SRRM2: variants seen among roughly 807,000 people sequenced by gnomAD.
The protein encoded by SRRM2 is serine/arginine repetitive matrix 2, also known as serine/arginine repetitive matrix protein 2.
In SRRM2, 30 loss-of-function variants were observed where a neutral mutation model predicts 213.8. The observed-to-expected ratio is 0.14, with a 90% CI of 0.10 to 0.19. The LOEUF (loss-of-function observed/expected upper bound fraction) is 0.19. Among genes scored for constraint, SRRM2 ranks in the 10% least tolerant of loss-of-function variants. The probability of loss-of-function intolerance (pLI) is 1.00; values close to 1 mark genes in which losing one functional copy is unlikely to be tolerated. For missense variants in SRRM2, 4,904 were observed against 3,647.0 expected (o/e 1.34, Z -8.88); for synonymous variants, 2,025 against 1,377.7 (o/e 1.47, Z -10.40).
intron 12 of SRRM2, chr16:2,770,141 TC>T: frequency 1.4e-6 from 2 of 1,430,016 alleles, no homozygotes; most frequent in South Asian, 3.0e-5. Context: ...ACTGTCTTTA[TC>T]TTTGCATCCC....
In SRRM2 at chr16:2,769,214, CCTG is replaced by C; in HGVS notation, c.7954_7956del (p.Ala2652del). ...CTCCTCGTCGTCTTCCTCCCCTTCC[CCTG>C]CTAAGCCTGGCCCTCAGGCCTTGCC... On this transcript the variant is annotated inframe_deletion, in exon 12 of 15. Transcript: ENST00000301740. 6.2e-7 allele frequency: 1 copy of C among 1,600,174 alleles called. No individual in the cohort carries two copies. The highest frequency in any genetic ancestry group is 1.3e-5 in the African/African-American group (1 of 74,966).
In SRRM2 at chr16:2,764,427, C is replaced by T; in HGVS notation, c.3899C>T (p.Ser1300Leu). The change falls in exon 11 of 15, where the codon TCA (serine) becomes TTA (leucine). Residue 1300 changes from serine (S) to leucine (L), a missense_variant. Physicochemically the swap from Ser to Leu is moderately radical, Grantham distance 145. Coordinates refer to ENST00000301740, the MANE Select transcript of SRRM2 (RefSeq NM_016333.4). ...QASLEAVEVP[S>L]MASSWGGPHF... ...TCTTTGGAAGCAGTAGAAGTCCCTT[C>T]AATGGCCTCATCTTGGGGTGGGCCA... 2 of 1,612,970 alleles carry T rather than the reference C, an allele frequency of 1.2e-6. No individual in the cohort carries two copies. Among genetic ancestry groups the T allele is most frequent in the Non-Finnish European group, 1.7e-6 (2 of 1,179,726 alleles).
chr16:2,765,984 G>A lies in SRRM2; in HGVS notation c.5456G>A (p.Gly1819Asp). ...RVTRRRRGGS[G>D]YHSRSPARQE... is the part of the protein sequence containing the mutation. ...ACTCGGCGGCGGAGGGGAGGCTCTG[G>A]TTATCACTCAAGGTCACCTGCCCGG... The change falls in exon 11 of 15, where the codon GGT becomes GAT. Residue 1819 changes from glycine (G) to aspartate (D), a missense_variant. Coordinates refer to ENST00000301740, the MANE Select transcript of SRRM2 (RefSeq NM_016333.4). 1.2e-6 allele frequency: 2 copies of A among 1,614,110 alleles called. No individual in the cohort carries two copies. The highest frequency in any genetic ancestry group is 1.7e-6 in the Non-Finnish European group (2 of 1,180,008).
chr16:2,760,425 C>T lies in SRRM2; in HGVS notation c.958C>T (p.Arg320Trp), dbSNP rs745633197. The change falls in exon 10 of 15, where the codon CGG becomes TGG. Residue 320 changes from arginine to tryptophan, a missense_variant. Physicochemically the swap from Arg to Trp is moderately radical, Grantham distance 101 (BLOSUM62 -3). Transcript: ENST00000301740. ...FSEPGTTSTQ[R>W]PSSPETATKQ... ...TGAACCAGGTACTACCAGCACACAACGGCCTAGTAGCCCGGAGACTGCTAC... is the reference window on the plus strand; with the variant it reads ...TGAACCAGGTACTACCAGCACACAATGGCCTAGTAGCCCGGAGACTGCTAC... 9.9e-6 allele frequency: 16 copies of T among 1,614,044 alleles called. No homozygotes were observed. Among genetic ancestry groups the T allele is most frequent in the Admixed American group, 5.0e-5 (3 of 60,004 alleles).
At chr16:2,760,068 G>A in intron 9 of SRRM2, 1 of 582,394 alleles carries the variant, frequency 1.7e-6, no homozygotes, top group Non-Finnish European at 3.1e-6. Flanking sequence ...GGATGTTTGG[G>A]GGAGGTGAGT....
chr16:2,765,298 A>C lies in SRRM2; in HGVS notation c.4770A>C (p.Arg1590=). The stretch of plus-strand genomic sequence containing the variant: ...CTCCAGAGGTTGACAGCAAATCTCG[A>C]CTATCCCCTCGGCGCAGTAGGTCTG... ...GSSPEVDSKS[R]LSPRRSRSGS... Residue 1590 remains arginine (R), a synonymous_variant, in exon 11 of 15, where the codon CGA becomes CGC. Coordinates refer to ENST00000301740, the MANE Select transcript of SRRM2 (RefSeq NM_016333.4). The C allele has an allele frequency of 6.2e-7, 1 of 1,614,114 alleles. No homozygotes were observed. The highest frequency in any genetic ancestry group is 1.1e-5 in the South Asian group (1 of 91,070).
intron 12 of SRRM2, 158 bp from the exon 13 acceptor site, chr16:2,770,194 G>C: frequency 6.9e-7 from 1 of 1,447,244 alleles, no homozygotes; most frequent in Non-Finnish European, 9.1e-7. Context: ...TCGGTGGATG[G>C]TGTGCGGGCG....
chr16:2,770,957 T>G lies in SRRM2; in HGVS notation c.*90T>G. 4 of 1,554,178 alleles carry G rather than the reference T, an allele frequency of 2.6e-6. No homozygotes were observed. The highest frequency in any genetic ancestry group is 3.5e-6 in the Non-Finnish European group (4 of 1,134,280). ...CAGCAGAGCCGTGGGAGGGTCCTTG[T>G]CTGCTCTCCTTTGAACCTTGGCAGC... On this transcript the variant is annotated 3_prime_UTR_variant, in exon 15 of 15. Transcript: ENST00000301740.
chr16:2,755,651 G>A (rs1189611077), intron 1 of SRRM2, among the ~76,000 whole-genome samples: 1 of 152,188 alleles, frequency 6.6e-6, no homozygotes, highest in Non-Finnish European at 1.5e-5. Context: ...CCCTTACCTG[G>A]GAGGTGAAGT....
In SRRM2 at chr16:2,756,344, GC is replaced by G. The variant is rs530138996; in HGVS notation, c.-13del. 8.4e-5 allele frequency: 133 copies of G among 1,577,876 alleles called. No individual in the cohort carries two copies. Among genetic ancestry groups the G allele is most frequent in the South Asian group, 3.5e-4 (31 of 87,828 alleles). On this transcript the variant is annotated 5_prime_UTR_variant, in exon 2 of 15. Transcript: ENST00000301740. The stretch of plus-strand genomic sequence containing the variant: ...CCCGCTCCCCCTCAGGAGCGGTGGT[GC>G]CCCCCCCGGGCACGGGGCCATGTAC...
intron 9 of SRRM2, 147 bp from the exon 10 acceptor site, chr16:2,760,154 A>G: frequency 1.4e-6 from 1 of 740,004 alleles, no homozygotes; most frequent in Non-Finnish European, 2.2e-6. Flanking sequence ...CTTGCATTTC[A>G]GTGAATGATT....
In SRRM2 at chr16:2,767,038, A is replaced by G; in HGVS notation, c.6510A>G (p.Thr2170=). The G allele has an allele frequency of 6.2e-7, 1 of 1,614,148 alleles. No individual in the cohort carries two copies. The highest frequency in any genetic ancestry group is 2.2e-5 in the East Asian group (1 of 44,886). Residue 2170 remains threonine (T), a synonymous_variant, in exon 11 of 15, where the codon ACA becomes ACG. Transcript: ENST00000301740. ...CCCGAATACCTGACCACCAGAGAAC[A>G]TCTGTGCCAGAAAATCATGCTCAGT... ...PGPRIPDHQR[T]SVPENHAQSR...
Position 2,759,391 on chromosome 16 carries a change from A to G in SRRM2, c.729A>G (p.Lys243=). Residue 243 remains lysine, a synonymous_variant, in exon 8 of 15, where the codon AAA becomes AAG. Coordinates refer to ENST00000301740, the MANE Select transcript of SRRM2 (RefSeq NM_016333.4). ...AGAGCAAACGTAAATCTAAGGACAA[A>G]AAGCGAAAGCGGTGAGTGAATTTGT... ...TPKSKRKSKD[K]KRKRSRSTTP... is the part of the protein sequence containing the mutation. The G allele has an allele frequency of 6.3e-7, 1 of 1,593,710 alleles. No individual in the cohort carries two copies. Among genetic ancestry groups the G allele is most frequent in the Middle Eastern group, 1.7e-4 (1 of 5,956 alleles).
In SRRM2 at chr16:2,766,904, C is replaced by T. The variant is rs201534509; in HGVS notation, c.6376C>T (p.Pro2126Ser). The T allele has an allele frequency of 3.4e-5, 55 of 1,614,142 alleles. No homozygotes were observed. In the Admixed American group the frequency reaches 5.2e-4, roughly 15 times the overall value. Residue 2126 changes from proline to serine, a missense_variant, in exon 11 of 15, where the codon CCT becomes TCT. By Grantham distance (74) the Pro-to-Ser change is moderately conservative. Transcript: ENST00000301740. This position sits in a 1 kb window ranked among gnomAD's most constrained non-coding sequence, Gnocchi z 7.0. ...CFSRPSMSPTPLDRCRSPGML... is the reference protein window; with the variant it reads ...CFSRPSMSPTSLDRCRSPGML... ...CAGTCGTCCTAGCATGTCCCCAACA[C>T]CTCTTGATCGCTGCAGATCACCTGG...
rs545913127 is a variant in SRRM2, at chr16:2,762,530, C to A, written c.2002C>A (p.Arg668Ser). The change falls in exon 11 of 15, where the codon CGC (arginine) becomes AGC (serine). Residue 668 changes from arginine to serine, a missense_variant. Arg to Ser is a moderately radical substitution (Grantham distance 110). Transcript: ENST00000301740. Reference sequence around the variant, plus strand: ...CTCCAGAACCCCAGCCAGACGTGGCCGCTCACGCTCTAGAACCCCAGCTAG... The same window carrying A: ...CTCCAGAACCCCAGCCAGACGTGGCAGCTCACGCTCTAGAACCCCAGCTAG... ...SRSRTPARRG[R>S]SRSRTPARRS... The A allele has an allele frequency of 6.2e-7, 1 of 1,613,654 alleles. No individual in the cohort carries two copies. The highest frequency in any genetic ancestry group is 1.3e-5 in the African/African-American group (1 of 74,862).
In SRRM2 at chr16:2,767,812, C is replaced by G. The variant is rs188455100; in HGVS notation, c.7284C>G (p.Ser2428=). 2.4e-5 allele frequency: 38 copies of G among 1,613,916 alleles called. No homozygotes were observed. The highest frequency in any genetic ancestry group is 8.8e-5 in the South Asian group (8 of 91,082). Residue 2428 remains serine (S), a synonymous_variant, in exon 11 of 15, where the codon TCC becomes TCG. Transcript: ENST00000301740. ...RMTSERAPSP[S]SRMGQAPSQS... ...CCTCTGAACGGGCTCCCTCCCCTTC[C>G]TCTAGAATGGGCCAGGCTCCTTCAC...
chr16:2,758,477 C>G lies in SRRM2; in HGVS notation c.523C>G (p.Arg175Gly), dbSNP rs199835386. The change falls in exon 5 of 15, where the codon CGG becomes GGG. Residue 175 changes from arginine (R) to glycine (G), a missense_variant. Arg to Gly is a moderately radical substitution (Grantham distance 125). Transcript: ENST00000301740. Reference sequence around the variant, plus strand: ...CTTTTCATTTTTCCCTAGCCTTGTTCGGGAGTCTAGCAGTTCTCGCTCACC... The same window carrying G: ...CTTTTCATTTTTCCCTAGCCTTGTTGGGGAGTCTAGCAGTTCTCGCTCACC... ...PEPPKPYSLV[R>G]ESSSSRSPTP... 2 of 1,613,676 alleles carry G rather than the reference C, an allele frequency of 1.2e-6. No individual in the cohort carries two copies. The highest frequency in any genetic ancestry group is 2.7e-5 in the African/African-American group (2 of 74,830).
rs1415595060 is a variant in SRRM2 at position 2,762,851 on chromosome 16, T to C, written c.2323T>C (p.Leu775=). Reference sequence around the variant, plus strand: ...GTCCAAAGCAAAATCTCGCTTGTCTTTGAGGCGCAGCCTTTCAGGGTCTTC... The same window carrying C: ...GTCCAAAGCAAAATCTCGCTTGTCTCTGAGGCGCAGCCTTTCAGGGTCTTC... The part of the protein sequence containing the change: ...PRSKAKSRLS[L]RRSLSGSSPC... Residue 775 remains leucine (L), a synonymous_variant, in exon 11 of 15, where the codon TTG becomes CTG. Coordinates refer to ENST00000301740, the MANE Select transcript of SRRM2 (RefSeq NM_016333.4). 7 of 1,614,056 alleles carry C rather than the reference T, an allele frequency of 4.3e-6. No homozygotes were observed. Among genetic ancestry groups the C allele is most frequent in the Non-Finnish European group, 5.1e-6 (6 of 1,180,052 alleles).
In SRRM2 at chr16:2,761,624, C is replaced by G; in HGVS notation, c.1096C>G (p.Pro366Ala). The G allele has an allele frequency of 1.3e-6, 2 of 1,560,222 alleles. No homozygotes were observed. Among genetic ancestry groups the G allele is most frequent in the Non-Finnish European group, 1.7e-6 (2 of 1,157,810 alleles). The change falls in exon 11 of 15, where the codon CCC becomes GCC. Residue 366 changes from proline (P) to alanine (A), a missense_variant. By Grantham distance (27) the Pro-to-Ala change is conservative. Coordinates refer to ENST00000301740, the MANE Select transcript of SRRM2 (RefSeq NM_016333.4). Reference sequence around the variant, plus strand: ...CAGCACAGGCCCAGAACCACCTGCTCCCACTCCGCTCCTTGCTGAGCGACA... The same window carrying G: ...CAGCACAGGCCCAGAACCACCTGCTGCCACTCCGCTCCTTGCTGAGCGACA... The part of the protein sequence containing the change: ...RSSTGPEPPA[P>A]TPLLAERHGG...
Sources: allele counts gnomAD v4.1 joint callset (sites outside exome capture counted in the v4.1 genomes callset), GRCh38; gene constraint gnomAD v4.1.1; non-coding constraint Gnocchi (gnomAD v3.1); transcripts MANE v1.5; gene names NCBI Gene and HGNC (gene_info 2026-07-23, HGNC 2026-07-21).